CD1B: variants seen among roughly 807,000 people sequenced by gnomAD.
CD1B encodes the protein T-cell surface glycoprotein CD1b.
A neutral mutation model predicts 39.8 loss-of-function variants in CD1B; 43 were observed. The observed-to-expected ratio is 1.08, with a 90% CI of 0.85 to 1.39. The LOEUF is 1.39. Ranked by LOEUF, CD1B falls within the 40% of genes most tolerant of loss-of-function variation. CD1B has a pLI of 0.00. For synonymous variants in CD1B, 192 were observed against 152.5 expected (o/e 1.26, Z -1.91); for missense variants, 495 against 403.8 (o/e 1.23, Z -1.94).
At chr1:158,309,015 A>C in the CD1B span, among the ~76,000 whole-genome samples, 1 of 152,206 alleles carries the variant, frequency 6.6e-6, no homozygotes. Context: ...TCTGCACAGC[A>C]AAAGAAACTA....
downstream of CD1B, among the ~76,000 whole-genome samples, chr1:158,324,068 A>G (rs1652271931): frequency 5.3e-5 from 8 of 152,354 alleles, no homozygotes; most frequent in South Asian, 1.7e-3. Context: ...TTACAGGGTA[A>G]GTTTCAGATT....
At chr1:158,299,396 G>A in the CD1B span, among the ~76,000 whole-genome samples, 1 of 152,164 alleles carries the variant, frequency 6.6e-6, no homozygotes, top group Admixed American at 6.5e-5. Context: ...GCTTTTTGAT[G>A]TGCTGCTGGA....
chr1:158,287,422 G>A, the CD1B span, among the ~76,000 whole-genome samples: 325 of 152,256 alleles, frequency 2.1e-3, 2 homozygotes, highest in African/African-American at 7.5e-3. Flanking sequence ...GTTTAGACAT[G>A]AGATTGACAT....
At chr1:158,300,197 A>G in the CD1B span, among the ~76,000 whole-genome samples, 8 of 152,138 alleles carry the variant, frequency 5.3e-5, no homozygotes, top group Admixed American at 5.2e-4. Flanking sequence ...CTTTGTTCTC[A>G]TTGGTTTCCT....
At chr1:158,315,218 T>G in the CD1B span, among the ~76,000 whole-genome samples, 5 of 152,214 alleles carry the variant, frequency 3.3e-5, no homozygotes, top group Non-Finnish European at 5.9e-5. Context: ...TCTAGATCCC[T>G]GAGGAATCGC....
At chr1:158,322,262 G>T in the CD1B span, among the ~76,000 whole-genome samples, 138 of 152,020 alleles carry the variant, frequency 9.1e-4, no homozygotes, top group Non-Finnish European at 1.7e-3. Context: ...TTAAAGGCAG[G>T]GTCTTACTCT....
chr1:158,323,603 AGTCTGGCTTTGTTTGT>A (rs1307646470), downstream of CD1B, among the ~76,000 whole-genome samples: 1 of 152,212 alleles, frequency 6.6e-6, no homozygotes, highest in Non-Finnish European at 1.5e-5. Flanking sequence ...CAGTCTTCAC[AGTCTGGCTTTGTTTGT>A]GCCTGTTTTT....
the CD1B span, among the ~76,000 whole-genome samples, chr1:158,308,478 C>T: frequency 2.0e-5 from 3 of 152,172 alleles, no homozygotes; most frequent in African/African-American, 7.2e-5. Context: ...TTGGAAAAAA[C>T]TACTTTAAAG....
the CD1B span, among the ~76,000 whole-genome samples, chr1:158,307,450 C>A: frequency 6.6e-6 from 1 of 151,984 alleles, no homozygotes; most frequent in Non-Finnish European, 1.5e-5. Flanking sequence ...TAATAGCTTA[C>A]CAATCAAAAA....
At chr1:158,313,111 GC>G in the CD1B span, among the ~76,000 whole-genome samples, 3 of 148,590 alleles carry the variant, frequency 2.0e-5, no homozygotes, top group Non-Finnish European at 4.5e-5. Flanking sequence ...ATGATTACGT[GC>G]TTTTGTCCTT....
the CD1B span, among the ~76,000 whole-genome samples, chr1:158,294,487 T>C: frequency 1.4e-4 from 22 of 152,358 alleles, 1 homozygote; most frequent in South Asian, 6.2e-4. Context: ...ATTGTTTTCA[T>C]GTTTTTATTT....
At chr1:158,310,958 C>T in the CD1B span, among the ~76,000 whole-genome samples, 1 of 152,100 alleles carries the variant, frequency 6.6e-6, no homozygotes, top group Non-Finnish European at 1.5e-5. Context: ...GGGTACTATG[C>T]TCATTACCTG....
the CD1B span, among the ~76,000 whole-genome samples, chr1:158,317,231 G>A: frequency 3.3e-5 from 5 of 151,912 alleles, no homozygotes; most frequent in Non-Finnish European, 7.4e-5. Context: ...AGTTTCAGAA[G>A]GAATGGTACC....
At chr1:158,320,789 G>C in the CD1B span, among the ~76,000 whole-genome samples, 942 of 152,064 alleles carry the variant, frequency 6.2e-3, 12 homozygotes, top group African/African-American at 0.021. Flanking sequence ...TCAGCTGTAT[G>C]TTGTCTAATT....
chr1:158,286,648 G>A, the CD1B span, among the ~76,000 whole-genome samples: 1 of 152,190 alleles, frequency 6.6e-6, no homozygotes, highest in Non-Finnish European at 1.5e-5. Flanking sequence ...CTACATATCA[G>A]TCAGATCAGA....
At chr1:158,306,504 A>C in the CD1B span, among the ~76,000 whole-genome samples, 1 of 152,208 alleles carries the variant, frequency 6.6e-6, no homozygotes, top group East Asian at 1.9e-4. Context: ...CCCCACTGTC[A>C]ACATTAGACA....
At chr1:158,300,681 A>C in the CD1B span, among the ~76,000 whole-genome samples, 1 of 151,668 alleles carries the variant, frequency 6.6e-6, no homozygotes, top group African/African-American at 2.4e-5. Context: ...GGGTGCATAT[A>C]TATTTAGGAT....
chr1:158,297,759 C>A, the CD1B span, among the ~76,000 whole-genome samples: 2 of 151,964 alleles, frequency 1.3e-5, no homozygotes, highest in African/African-American at 4.8e-5. Context: ...ATGGAAAAAC[C>A]CCATTTCTAC....
the CD1B span, among the ~76,000 whole-genome samples, chr1:158,304,797 A>C: frequency 2.6e-5 from 4 of 152,244 alleles, no homozygotes; most frequent in Non-Finnish European, 4.4e-5. Flanking sequence ...GCTGTTCTGC[A>C]GCCTCTGCTG....
Sources: allele counts gnomAD v4.1 joint callset (sites outside exome capture counted in the v4.1 genomes callset), GRCh38; gene constraint gnomAD v4.1.1; transcripts MANE v1.5; gene names NCBI Gene and HGNC (gene_info 2026-07-23, HGNC 2026-07-21).